Variants in SIPA1L2 observed in about 807,000 individuals in gnomAD.
SIPA1L2 encodes the protein signal induced proliferation associated 1 like 2.
SIPA1L2 carries 56 observed loss-of-function variants against 163.9 expected under a neutral mutation model. The ratio of observed to expected loss-of-function variants is 0.34; its 90% CI spans 0.28 to 0.43. The LOEUF (loss-of-function observed/expected upper bound fraction) is 0.43. Among genes scored for constraint, SIPA1L2 ranks in the 20% least tolerant of loss-of-function variants. The pLI is 1.00. For synonymous variants in SIPA1L2, 877 were observed against 865.7 expected, an observed-to-expected ratio of 1.01 and a Z score of -0.23; for missense variants, 1,974 against 2,193.5, an observed-to-expected ratio of 0.90 and a Z score of 2.00.
intron 2 of SIPA1L2, among the ~76,000 whole-genome samples, chr1:232,523,889 T>A (rs1268470372): frequency 1.3e-5 from 2 of 152,246 alleles, no homozygotes; most frequent in Non-Finnish European, 2.9e-5. Flanking sequence ...AATCTGAAGA[T>A]GCTTCCTTTC....
chr1:232,502,782 T>C (rs1358167995), intron 3 of SIPA1L2, among the ~76,000 whole-genome samples: 4 of 152,226 alleles, frequency 2.6e-5, no homozygotes, highest in Admixed American at 1.3e-4. Context: ...AAGAATACAG[T>C]AGGTTACCTG....
intron 8 of SIPA1L2, among the ~76,000 whole-genome samples, chr1:232,466,933 T>G (rs557836846): frequency 6.6e-6 from 1 of 152,316 alleles, no homozygotes; most frequent in African/African-American, 2.4e-5. Context: ...TCTGTATTAA[T>G]CCCACATCTG....
chr1:232,495,624 G>T (rs1221363256), intron 3 of SIPA1L2, among the ~76,000 whole-genome samples: 1 of 151,654 alleles, frequency 6.6e-6, no homozygotes, highest in Admixed American at 6.6e-5. Flanking sequence ...TCCTAGACTT[G>T]CACAAAAGGA....
At chr1:232,448,916 C>T (rs893305948) in intron 10 of SIPA1L2, among the ~76,000 whole-genome samples, 4 of 152,034 alleles carry the variant, frequency 2.6e-5, no homozygotes, top group South Asian at 2.1e-4. Context: ...GAGTCAAGGG[C>T]GTGAGGTGCA....
chr1:232,429,807 G>C (rs937578736), intron 16 of SIPA1L2, among the ~76,000 whole-genome samples: 1 of 152,104 alleles, frequency 6.6e-6, no homozygotes. Flanking sequence ...CCCAACATTC[G>C]ATCCTGAGGT....
intron 18 of SIPA1L2, among the ~76,000 whole-genome samples, chr1:232,419,860 C>G (rs1481482981): frequency 6.6e-6 from 1 of 152,296 alleles, no homozygotes; most frequent in Middle Eastern, 3.4e-3. Flanking sequence ...CCCCCATCAC[C>G]CAGATGATGT....
rs1033614250 is a variant in SIPA1L2 at position 232,493,468 on chromosome 1, A to G, written c.1617+59T>C. 19 of 1,598,976 alleles carry G rather than the reference A, an allele frequency of 1.2e-5. No individual in the cohort carries two copies. In the African/African-American group the frequency reaches 2.4e-4, roughly 20 times the overall value. On this transcript the variant is annotated intron_variant, in intron 4 of 22. Coordinates refer to ENST00000674635, the MANE Select transcript of SIPA1L2 (RefSeq NM_020808.5). ...TACCCTATCTAAAACAAACTGAAGC[A>G]GTAACACCAAAGGAGGTTTAGACTT...
intron 2 of SIPA1L2, among the ~76,000 whole-genome samples, chr1:232,557,383 G>C (rs1658775705): frequency 1.3e-5 from 2 of 152,102 alleles, no homozygotes; most frequent in African/African-American, 4.8e-5. Flanking sequence ...AGCAGGGGTA[G>C]GTGTTTAACT....
chr1:232,519,272 G>C (rs1167506328), intron 2 of SIPA1L2, among the ~76,000 whole-genome samples: 1 of 152,130 alleles, frequency 6.6e-6, no homozygotes, highest in African/African-American at 2.4e-5. Context: ...GTAGACCCAA[G>C]GCCCATTCCC....
intron 1 of SIPA1L2, among the ~76,000 whole-genome samples, chr1:232,587,343 C>G (rs1660723639): frequency 6.6e-6 from 1 of 152,042 alleles, no homozygotes; most frequent in African/African-American, 2.4e-5. Flanking sequence ...TATGAGGTAT[C>G]TGACCCATTT....
intron 2 of SIPA1L2, among the ~76,000 whole-genome samples, chr1:232,547,967 C>G (rs1658141212): frequency 6.6e-6 from 1 of 152,192 alleles, no homozygotes; most frequent in Non-Finnish European, 1.5e-5. Context: ...AAGGTGGCCT[C>G]CTGATACACA....
Position 232,465,370 on chromosome 1 carries a change from T to A in SIPA1L2, c.2290A>T (p.Ile764Phe). 1 of 1,613,338 alleles carries A rather than the reference T, an allele frequency of 6.2e-7. No individual in the cohort carries two copies. Among genetic ancestry groups the A allele is most frequent in the Non-Finnish European group, 8.5e-7 (1 of 1,179,414 alleles). Residue 764 changes from isoleucine to phenylalanine, a missense_variant, in exon 9 of 23, where the codon ATT (isoleucine) becomes TTT (phenylalanine). By Grantham distance (21) the Ile-to-Phe change is conservative. This residue lies in a region of SIPA1L2 where 288 missense variants were observed against 418.9 expected (regional missense o/e 0.69). Transcript: ENST00000674635. The surrounding 1 kb of genome is among the most constrained non-coding windows in gnomAD (Gnocchi z 4.1). ...TTTGGAAAAGTTACACCTTTGGGAA[T>A]CGGTGGGCCAAATGGTGGCACATCT... ...SKDVPPFGPP[I>F]PKGVTFPKSA...
In SIPA1L2 at chr1:232,513,865, T is replaced by A; in HGVS notation, c.1475A>T (p.Tyr492Phe). Residue 492 changes from tyrosine (Y) to phenylalanine (F), a missense_variant, in exon 3 of 23, where the codon TAT becomes TTT. By Grantham distance (22) the Tyr-to-Phe change is conservative. Coordinates refer to ENST00000674635, the MANE Select transcript of SIPA1L2 (RefSeq NM_020808.5). Reference protein sequence around the residue: ...LGAYYYRKFFYGKEHQNYFGI... With the variant: ...LGAYYYRKFFFGKEHQNYFGI... The stretch of plus-strand genomic sequence containing the variant: ...CCATGGCTCTTCCTTACCTTTCCCA[T>A]AGAAGAATTTGCGGTAATAATAGGC... The A allele has an allele frequency of 6.4e-7, 1 of 1,567,362 alleles. No individual in the cohort carries two copies. The highest frequency in any genetic ancestry group is 8.6e-7 in the Non-Finnish European group (1 of 1,160,410).
chr1:232,599,022 T>C (rs962355494), intron 1 of SIPA1L2, among the ~76,000 whole-genome samples: 7 of 150,464 alleles, frequency 4.7e-5, no homozygotes, highest in Non-Finnish European at 1.0e-4. Context: ...TGCATTTAAA[T>C]GTAATTCGAC....
chr1:232,409,157 A>G (rs1015957531), intron 19 of SIPA1L2, among the ~76,000 whole-genome samples: 1 of 151,998 alleles, frequency 6.6e-6, no homozygotes, highest in Non-Finnish European at 1.5e-5. Context: ...TCATTTACCT[A>G]TTTTCCAAAT....
chr1:232,407,861 T>A (rs1660731049), intron 19 of SIPA1L2, among the ~76,000 whole-genome samples: 1 of 152,236 alleles, frequency 6.6e-6, no homozygotes, highest in Non-Finnish European at 1.5e-5. Context: ...TTCTGATGAA[T>A]GAGAGCTACT....
At chr1:232,486,367 C>T (rs546682970) in intron 5 of SIPA1L2, among the ~76,000 whole-genome samples, 22 of 152,312 alleles carry the variant, frequency 1.4e-4, no homozygotes, top group African/African-American at 4.6e-4. Flanking sequence ...ACACCCCTCT[C>T]TTCCCAGCCA....
At chr1:232,569,630 C>T (rs925820583) in intron 2 of SIPA1L2, among the ~76,000 whole-genome samples, 6 of 152,248 alleles carry the variant, frequency 3.9e-5, no homozygotes, top group African/African-American at 1.4e-4. Flanking sequence ...CTGGCCAACA[C>T]AGTGGAACCC....
In SIPA1L2 at chr1:232,514,485, C is replaced by T. The variant is rs764602791; in HGVS notation, c.855G>A (p.Glu285=). 2.5e-6 allele frequency: 4 copies of T among 1,614,088 alleles called. No homozygotes were observed. The East Asian group carries it at 8.9e-5, about 36-fold the overall frequency. The part of the protein sequence containing the change: ...DKPFKRRLKS[E]SVETSLFRKL... ...TTCGGAAGAGAGATGTTTCCACCGACTCTGATTTCAACCTCCGTTTGAAAG... is the reference window on the plus strand; with the variant it reads ...TTCGGAAGAGAGATGTTTCCACCGATTCTGATTTCAACCTCCGTTTGAAAG... Residue 285 remains glutamate (E), a synonymous_variant, in exon 3 of 23, where the codon GAG becomes GAA. Coordinates refer to ENST00000674635, the MANE Select transcript of SIPA1L2 (RefSeq NM_020808.5).
Sources: gnomAD v4.1 joint callset for allele counts (sites outside exome capture counted in the v4.1 genomes callset) on GRCh38, gnomAD v4.1.1 for gene constraint, gnomAD v4.1.1 regional missense constraint, Gnocchi (gnomAD v3.1) non-coding constraint, MANE v1.5 for transcripts, NCBI Gene and HGNC (gene_info 2026-07-23, HGNC 2026-07-21) for gene names.